Variants in FRMD4A observed in about 807,000 individuals in gnomAD.
The protein encoded by FRMD4A is FERM domain containing 4A, also known as FERM domain-containing protein 4A.
FRMD4A carries 29 observed loss-of-function variants against 129.1 expected under a neutral mutation model. The ratio of observed to expected loss-of-function variants is 0.22; its 90% CI spans 0.17 to 0.31. The LOEUF (loss-of-function observed/expected upper bound fraction) is 0.31. Ranked by LOEUF, FRMD4A falls within the 10% of genes least tolerant of loss-of-function variation. FRMD4A has a pLI of 1.00. For missense variants in FRMD4A, 1,272 were observed against 1,375.8 expected, an observed-to-expected ratio of 0.92 and a Z score of 1.19; for synonymous variants, 634 against 571.6, an observed-to-expected ratio of 1.11 and a Z score of -1.56.
chr10:13,966,473 G>A (rs573613075), intron 2 of FRMD4A, among the ~76,000 whole-genome samples: 3 of 152,304 alleles, frequency 2.0e-5, no homozygotes, highest in African/African-American at 7.2e-5. Flanking sequence ...GGAGGGTAAC[G>A]TGATAAAGAA....
intron 3 of FRMD4A, among the ~76,000 whole-genome samples, chr10:13,817,730 A>C (rs2093567902): frequency 6.6e-6 from 1 of 152,188 alleles, no homozygotes; most frequent in Non-Finnish European, 1.5e-5. Context: ...GGCCATGTGG[A>C]ACTGTGAGTT....
At chr10:14,189,252 A>G (rs1842242582) in intron 2 of FRMD4A, among the ~76,000 whole-genome samples, 1 of 152,118 alleles carries the variant, frequency 6.6e-6, no homozygotes, top group Non-Finnish European at 1.5e-5. Context: ...GAAATGCAAG[A>G]ATTTGAGGTG....
chr10:14,328,367 G>GGT (rs1173460701), intron 2 of FRMD4A, among the ~76,000 whole-genome samples: 4 of 73,634 alleles, frequency 5.4e-5, no homozygotes, highest in Non-Finnish European at 1.3e-4. Context: ...TGTGTGTGTG[G>GGT]GTGGGGGGGG....
rs986264827 is a variant in FRMD4A at position 14,330,727 on chromosome 10, C to T, written c.-212G>A. Reference sequence around the variant, plus strand: ...GGCAGTCACTGGAGATCAGCAAATGCCCTTACCATCCCCGAGGAGGAAGTC... The same window carrying T: ...GGCAGTCACTGGAGATCAGCAAATGTCCTTACCATCCCCGAGGAGGAAGTC... On this transcript the variant is annotated 5_prime_UTR_variant, in exon 1 of 25. Transcript: ENST00000357447. 3.8e-5 allele frequency: 15 copies of T among 398,780 alleles called. No individual in the cohort carries two copies. Among genetic ancestry groups the T allele is most frequent in the Non-Finnish European group, 6.6e-5 (15 of 226,338 alleles). 24.7% of individuals were successfully genotyped at this position (398,780 alleles called of 1,614,324 possible).
At chr10:13,716,643 G>A (rs942925392) in intron 12 of FRMD4A, among the ~76,000 whole-genome samples, 5 of 152,160 alleles carry the variant, frequency 3.3e-5, no homozygotes, top group African/African-American at 9.7e-5. Context: ...CCAGAGCACC[G>A]GGCCTTGACC....
chr10:13,803,108 C>T (rs937803700), intron 4 of FRMD4A, among the ~76,000 whole-genome samples: 1 of 145,746 alleles, frequency 6.9e-6, no homozygotes, highest in Non-Finnish European at 1.5e-5. Context: ...GAGATGGCAC[C>T]ACTGCACCCC....
intron 2 of FRMD4A, among the ~76,000 whole-genome samples, chr10:13,881,990 G>T (rs201863700): frequency 1.5e-3 from 23 of 15,640 alleles, no homozygotes; most frequent in Non-Finnish European, 0.015. Flanking sequence ...GAGAGGCAAG[G>T]GTGTGTGTGT....
chr10:14,241,270 T>A lies in FRMD4A; in HGVS notation c.45+88788A>T, dbSNP rs377139954. 3.0e-4 allele frequency among the ~76,000 whole-genome samples: 46 copies of A among 152,354 alleles called. 1 individual carries two copies. In the South Asian group the frequency reaches 9.3e-3, roughly 31 times the overall value. On this transcript the variant is annotated intron_variant, in intron 2 of 24. Coordinates refer to ENST00000357447, the MANE Select transcript of FRMD4A (RefSeq NM_018027.5). ...TATTTATGAAATAGGCAATCAGTCCTCATTCAGAGAAAATGGAATGTACAC... is the reference window on the plus strand; with the variant it reads ...TATTTATGAAATAGGCAATCAGTCCACATTCAGAGAAAATGGAATGTACAC...
chr10:14,150,642 G>A (rs889501618), intron 2 of FRMD4A, among the ~76,000 whole-genome samples: 17 of 152,138 alleles, frequency 1.1e-4, no homozygotes, highest in Non-Finnish European at 2.1e-4. Flanking sequence ...GGCTCTGCCA[G>A]TGATTTATTT....
chr10:14,011,138 G>A (rs954413378), intron 2 of FRMD4A, among the ~76,000 whole-genome samples: 1 of 152,204 alleles, frequency 6.6e-6, no homozygotes. Flanking sequence ...CTGTCCTACA[G>A]GACTTTATCA....
chr10:14,074,727 T>C (rs1039952503), intron 2 of FRMD4A: 3 of 152,270 alleles, frequency 2.0e-5, no homozygotes, highest in East Asian at 1.9e-4. Flanking sequence ...CAGGAACTCG[T>C]TGATTTGTCA....
chr10:14,200,851 C>A (rs908488488), intron 2 of FRMD4A, among the ~76,000 whole-genome samples: 2 of 152,042 alleles, frequency 1.3e-5, no homozygotes, highest in African/African-American at 2.4e-5. Flanking sequence ...CGGTAGGGGG[C>A]GTGGGAGGGA....
intron 2 of FRMD4A, among the ~76,000 whole-genome samples, chr10:14,329,184 T>C (rs768991490): frequency 2.0e-5 from 3 of 152,208 alleles, no homozygotes; most frequent in South Asian, 2.1e-4. Context: ...GAAGCACTTA[T>C]GCTTGGTTCA....
At chr10:14,181,504 A>C (rs984212499) in intron 2 of FRMD4A, among the ~76,000 whole-genome samples, 1 of 152,184 alleles carries the variant, frequency 6.6e-6, no homozygotes, top group African/African-American at 2.4e-5. Context: ...ATGTTCCTGC[A>C]AAGTTAGCAT....
chr10:14,313,227 G>A (rs1476223280), intron 2 of FRMD4A, among the ~76,000 whole-genome samples: 1 of 151,672 alleles, frequency 6.6e-6, no homozygotes, highest in South Asian at 2.1e-4. Flanking sequence ...ACCAGGTGTG[G>A]TGGTACATGT....
At chr10:14,221,959 T>C (rs1843276118) in intron 2 of FRMD4A, among the ~76,000 whole-genome samples, 1 of 152,180 alleles carries the variant, frequency 6.6e-6, no homozygotes, top group South Asian at 2.1e-4. Flanking sequence ...TTAAAAATGA[T>C]TGCTGCTTCT....
At chr10:14,042,401 C>A (rs1379975069) in intron 2 of FRMD4A, among the ~76,000 whole-genome samples, 1 of 152,172 alleles carries the variant, frequency 6.6e-6, no homozygotes, top group African/African-American at 2.4e-5. Context: ...CCAATAGAAA[C>A]CAGACACAGC....
chr10:13,799,955 G>A lies in FRMD4A; in HGVS notation c.207-3367C>T, dbSNP rs111307390. Among the ~76,000 whole-genome samples, 908 of 152,094 alleles carry A rather than the reference G, an allele frequency of 6.0e-3. 12 individuals carry two copies. Among genetic ancestry groups the A allele is most frequent in the African/African-American group, 0.021 (858 of 41,504 alleles). ...AGCACTTTGGGAGGCTGAGGCAGGC[G>A]GATCACGAGGTCAGGAGTTCGAGAC... On this transcript the variant is annotated intron_variant, in intron 4 of 24. Transcript: ENST00000357447.
At chr10:13,758,702 T>G (rs530068591) in intron 8 of FRMD4A, among the ~76,000 whole-genome samples, 1 of 152,288 alleles carries the variant, frequency 6.6e-6, no homozygotes, top group African/African-American at 2.4e-5. Flanking sequence ...GAGCCTTCTT[T>G]TCGCTTAATA....
Sources: allele counts gnomAD v4.1 joint callset (sites outside exome capture counted in the v4.1 genomes callset), GRCh38; gene constraint gnomAD v4.1.1; transcripts MANE v1.5; gene names NCBI Gene and HGNC (gene_info 2026-07-23, HGNC 2026-07-21).